Variants in SENP2 observed in about 807,000 individuals in gnomAD.
The protein encoded by SENP2 is sentrin-specific protease 2.
In SENP2, 16 loss-of-function variants were observed where a neutral mutation model predicts 86.3. The ratio of observed to expected loss-of-function variants is 0.19; its 90% confidence interval spans 0.13 to 0.28. SENP2 has a LOEUF of 0.28. SENP2 is among the 10% of genes least tolerant of loss of function. The probability of loss-of-function intolerance (pLI) is 1.00; values close to 1 mark genes in which losing one functional copy is unlikely to be tolerated. For synonymous variants in SENP2, 222 were observed against 238.7 expected, an observed-to-expected ratio of 0.93 and a Z score of 0.64; for missense variants, 552 against 703.0, an observed-to-expected ratio of 0.79 and a Z score of 2.43.
At position 185,606,543 on chromosome 3, in the gene SENP2, C is replaced by T. The variant is rs376418606; in HGVS notation, c.618+45C>T. The T allele has an allele frequency of 2.8e-5, 41 of 1,481,634 alleles. No homozygotes were observed. In the Middle Eastern group the frequency reaches 5.3e-4, roughly 19 times the overall value. The allele number at this position is 1,481,634 out of a possible 1,614,324, so 91.8% of individuals were successfully genotyped here. On this transcript the variant is annotated intron_variant, in intron 6 of 16. Coordinates refer to ENST00000296257, the MANE Select transcript of SENP2 (RefSeq NM_021627.3). ...TTTCTTTAAAAAAAATTTTACAGCTCTTCCCAAGGATGCTGCCTAGAGACA... is the reference window on the plus strand; with the variant it reads ...TTTCTTTAAAAAAAATTTTACAGCTTTTCCCAAGGATGCTGCCTAGAGACA...
At chr3:185,621,292 C>T (rs1299664798) in intron 13 of SENP2, among the ~76,000 whole-genome samples, 1 of 131,964 alleles carries the variant, frequency 7.6e-6, no homozygotes, top group Non-Finnish European at 1.6e-5. Flanking sequence ...CTTAAAAACA[C>T]ACTTTTTTTA....
At position 185,611,685 on chromosome 3, in the gene SENP2, A is replaced by C. The variant is rs1452243370; in HGVS notation, c.757A>C (p.Lys253Gln). The change falls in exon 8 of 17, where the codon AAA (lysine) becomes CAA (glutamine). Residue 253 changes from lysine (K) to glutamine (Q), a missense_variant. Physicochemically the swap from Lys to Gln is moderately conservative, Grantham distance 53. This residue lies in a region of SENP2 where 383 missense variants were observed against 427.3 expected (regional missense o/e 0.90). Coordinates refer to ENST00000296257, the MANE Select transcript of SENP2 (RefSeq NM_021627.3). ...QRSQMDTLKT[K>Q]GWGEEQNHGV... ...AAGTCAGATGGACACATTAAAGACC[A>C]AAGGCTGGGGGGAAGAGCAAAATCA... 4 of 1,613,750 alleles carry C rather than the reference A, an allele frequency of 2.5e-6. No homozygotes were observed. In the South Asian group the frequency reaches 4.4e-5, roughly 18 times the overall value.
chr3:185,624,287 G>C (rs1050328390), intron 15 of SENP2, among the ~76,000 whole-genome samples: 1 of 151,912 alleles, frequency 6.6e-6, no homozygotes, highest in Admixed American at 6.6e-5. Flanking sequence ...AAAGTGCTGG[G>C]ATTACAGGTG....
At chr3:185,629,621 A>G (rs1042741435) in intron 16 of SENP2, among the ~76,000 whole-genome samples, 161 bp from the exon 17 acceptor site, 1 of 152,166 alleles carries the variant, frequency 6.6e-6, no homozygotes, top group African/African-American at 2.4e-5. Flanking sequence ...GTAATTATGA[A>G]CTGTTAAAAA....
At chr3:185,598,918 A>G (rs1472695398) in intron 3 of SENP2, 40 bp from the exon 4 acceptor site, 1 of 1,529,508 alleles carries the variant, frequency 6.5e-7, no homozygotes, top group Admixed American at 1.8e-5. Flanking sequence ...TTAGGTGACA[A>G]AATTTAGATG....
At chr3:185,587,905 T>G (rs1721847747) in intron 1 of SENP2, among the ~76,000 whole-genome samples, 1 of 149,330 alleles carries the variant, frequency 6.7e-6, no homozygotes, top group Non-Finnish European at 1.5e-5. Flanking sequence ...CGGCTTATAT[T>G]TTTTGTATTT....
At chr3:185,602,212 A>G (rs1351030411) in intron 5 of SENP2, among the ~76,000 whole-genome samples, 1 of 151,930 alleles carries the variant, frequency 6.6e-6, no homozygotes, top group Non-Finnish European at 1.5e-5. Flanking sequence ...AGTACTTGGT[A>G]CTCCTTGGCT....
At chr3:185,600,684 C>T in intron 4 of SENP2, 81 bp from the exon 5 acceptor site, 2 of 884,790 alleles carry the variant, frequency 2.3e-6, no homozygotes, top group South Asian at 1.5e-5. Context: ...GTAGGTTGCT[C>T]ACAGATTTTT....
In SENP2 at chr3:185,586,930, T is replaced by C. The variant is rs1295756316; in HGVS notation, c.101+416T>C. Among the ~76,000 whole-genome samples, 2 of 152,190 alleles carry C rather than the reference T, an allele frequency of 1.3e-5. No homozygotes were observed. The highest frequency in any genetic ancestry group is 2.9e-5 in the Non-Finnish European group (2 of 68,034). On this transcript the variant is annotated intron_variant, in intron 1 of 16. Transcript: ENST00000296257. This position sits in a 1 kb window ranked among gnomAD's most constrained non-coding sequence, Gnocchi z 4.3. ...AAAGCCGTTTTGACTGCAAGTACTG[T>C]CCTTGCAGCAAGAAACAGCACCTGT...
intron 6 of SENP2, among the ~76,000 whole-genome samples, chr3:185,607,171 GT>G (rs1722542026): frequency 1.3e-5 from 2 of 151,406 alleles, no homozygotes; most frequent in South Asian, 4.2e-4. Context: ...CCACCACCAT[GT>G]TTACTTCTAA....
At chr3:185,595,213 T>C (rs1722136806) in intron 2 of SENP2, among the ~76,000 whole-genome samples, 1 of 152,164 alleles carries the variant, frequency 6.6e-6, no homozygotes, top group African/African-American at 2.4e-5. Context: ...GGAAAATAAA[T>C]ATTATGATAT....
rs1722451111 is a variant in SENP2 at position 185,604,590 on chromosome 3, T to G, written c.450-1740T>G. The stretch of plus-strand genomic sequence containing the variant: ...TTTGCTCCATGTTTTTTTGTCTCCA[T>G]ATATTTTGAAGCTCTATTAGGCAAA... On this transcript the variant is annotated intron_variant, in intron 5 of 16. Transcript: ENST00000296257. Among the ~76,000 whole-genome samples the G allele has an allele frequency of 1.3e-5, 2 of 152,320 alleles. 1 individual carries two copies. Among genetic ancestry groups the G allele is most frequent in the South Asian group, 4.1e-4 (2 of 4,824 alleles).
At chr3:185,621,440 A>T (rs1308206557) in intron 13 of SENP2, among the ~76,000 whole-genome samples, 1 of 126,198 alleles carries the variant, frequency 7.9e-6, no homozygotes, top group Admixed American at 9.9e-5. Context: ...CCCAGGCTAG[A>T]GTGCAGTGAC....
At chr3:185,619,676 T>C (rs1036026131) in intron 13 of SENP2, among the ~76,000 whole-genome samples, 174 bp downstream of exon 13, 22 of 151,946 alleles carry the variant, frequency 1.4e-4, no homozygotes, top group African/African-American at 5.1e-4. Context: ...CCCAACCCTT[T>C]TAGTTCTTTT....
chr3:185,621,731 A>C lies in SENP2; in HGVS notation c.1447-95A>C, dbSNP rs115482339. Reference sequence around the variant, plus strand: ...ATACATAAAAAATTTATATTGGTACATGTATTTTTTAAAAGATGCTTTTAT... The same window carrying C: ...ATACATAAAAAATTTATATTGGTACCTGTATTTTTTAAAAGATGCTTTTAT... On this transcript the variant is annotated intron_variant, in intron 13 of 16. Transcript: ENST00000296257. 1.4e-3 allele frequency: 981 copies of C among 701,472 alleles called. 7 individuals are homozygous for C. The African/African-American group carries it at 0.015, about 11-fold the overall frequency. 43.5% of individuals were successfully genotyped at this position (701,472 alleles called of 1,614,324 possible).
intron 1 of SENP2, among the ~76,000 whole-genome samples, chr3:185,587,052 C>T (rs573786564): frequency 6.6e-6 from 1 of 152,188 alleles, no homozygotes; most frequent in Non-Finnish European, 1.5e-5. Flanking sequence ...TTAGGTGCCT[C>T]ACTCCTTTAA....
At chr3:185,611,928 A>AAG (rs1722715812) in intron 8 of SENP2, among the ~76,000 whole-genome samples, 183 bp downstream of exon 8, 1 of 152,168 alleles carries the variant, frequency 6.6e-6, no homozygotes, top group Non-Finnish European at 1.5e-5. Flanking sequence ...AGGCCAAGGC[A>AAG]GATGGATCAC....
chr3:185,586,638 G>GTCAC lies in SENP2; in HGVS notation c.101+125_101+126insCACT. ...AACAGGTCGCCGGGATCCTAGTGACGTAGTCGCTCCCGCCAGGCTGTAGGG... is the reference window on the plus strand; with the variant it reads ...AACAGGTCGCCGGGATCCTAGTGACGTCACTAGTCGCTCCCGCCAGGCTGTAGGG... On this transcript the variant is annotated intron_variant, in intron 1 of 16. Coordinates refer to ENST00000296257, the MANE Select transcript of SENP2 (RefSeq NM_021627.3). The surrounding 1 kb of genome is among the most constrained non-coding windows in gnomAD (Gnocchi z 4.3). The GTCAC allele has an allele frequency of 2.3e-6, 2 of 857,188 alleles. No individual in the cohort carries two copies. The highest frequency in any genetic ancestry group is 3.7e-6 in the Non-Finnish European group (2 of 544,778). The allele number at this position is 857,188 out of a possible 1,614,324, so 53.1% of individuals were successfully genotyped here. A position where few individuals can be genotyped will look rare whatever the true frequency, so the allele number is the denominator to read the frequency against.
intron 7 of SENP2, among the ~76,000 whole-genome samples, chr3:185,610,167 T>C (rs1342324258): frequency 6.7e-6 from 1 of 149,980 alleles, no homozygotes; most frequent in Non-Finnish European, 1.5e-5. Flanking sequence ...TTTTTTTTTT[T>C]TTTTTTTTTT....
Sources: allele counts gnomAD v4.1 joint callset (sites outside exome capture counted in the v4.1 genomes callset), GRCh38; gene constraint gnomAD v4.1.1; regional missense constraint gnomAD v4.1.1; non-coding constraint Gnocchi (gnomAD v3.1); transcripts MANE v1.5; gene names NCBI Gene and HGNC (gene_info 2026-07-23, HGNC 2026-07-21).